The following GPD2 variants were observed in gnomAD, a reference collection of about 807,000 sequenced individuals.
The protein encoded by GPD2 is glycerol-3-phosphate dehydrogenase 2, also known as glycerol-3-phosphate dehydrogenase, mitochondrial.
A neutral mutation model predicts 82.4 loss-of-function variants in GPD2; 54 were observed. That is an observed-to-expected ratio of 0.66 (90% CI 0.53 to 0.82). The LOEUF (loss-of-function observed/expected upper bound fraction) is 0.82. GPD2 is among the 40% of genes least tolerant of loss of function. GPD2 has a pLI of 0.00. For synonymous variants in GPD2, 288 were observed against 306.1 expected, an observed-to-expected ratio of 0.94 and a Z score of 0.62; for missense variants, 748 against 896.2, an observed-to-expected ratio of 0.83 and a Z score of 2.11.
intron 6 of GPD2, among the ~76,000 whole-genome samples, chr2:156,525,456 A>T (rs191119212): frequency 6.6e-5 from 10 of 152,204 alleles, no homozygotes; most frequent in Admixed American, 6.5e-4. Context: ...ACCATAATCT[A>T]TTTGCTATGA....
At chr2:156,505,979 A>G (rs76984706) in intron 3 of GPD2, among the ~76,000 whole-genome samples, 1 of 152,212 alleles carries the variant, frequency 6.6e-6, no homozygotes, top group Non-Finnish European at 1.5e-5. Context: ...AAGAACCTCA[A>G]AAGGCTTTTA....
chr2:156,570,366 C>T, intron 12 of GPD2, 148 bp downstream of exon 12: 1 of 661,152 alleles, frequency 1.5e-6, no homozygotes, highest in Non-Finnish European at 2.7e-6. Flanking sequence ...CAATATAGAT[C>T]CTTTTATTTA....
At chr2:156,528,652 T>C (rs1004139014) in intron 6 of GPD2, among the ~76,000 whole-genome samples, 1 of 138,852 alleles carries the variant, frequency 7.2e-6, no homozygotes, top group African/African-American at 2.7e-5. Flanking sequence ...TGTGTTCTCA[T>C]TGTTCAATTC....
chr2:156,507,278 G>C (rs1425205359), intron 3 of GPD2, among the ~76,000 whole-genome samples: 1 of 151,470 alleles, frequency 6.6e-6, no homozygotes, highest in Non-Finnish European at 1.5e-5. Context: ...AAAGTGCTGG[G>C]ATTACAGTCA....
chr2:156,494,844 A>T (rs1684310952), intron 2 of GPD2, among the ~76,000 whole-genome samples: 1 of 152,246 alleles, frequency 6.6e-6, no homozygotes, highest in African/African-American at 2.4e-5. Flanking sequence ...CAAACCTAGT[A>T]TTAGCATTTT....
chr2:156,537,051 G>A (rs1422478989), intron 6 of GPD2, among the ~76,000 whole-genome samples: 2 of 152,218 alleles, frequency 1.3e-5, no homozygotes, highest in African/African-American at 4.8e-5. Flanking sequence ...AGCACAGAGT[G>A]AGAACCAGAT....
chr2:156,570,131 G>A lies in GPD2; in HGVS notation c.1521G>A (p.Glu507=). ...LAATYGDKAF[E]VAKMASVTGK... ...CCACCTATGGTGATAAGGCCTTTGA[G>A]GTGGCCAAAATGGCAAGTGTGACTG... The change falls in exon 12 of 17, where the codon GAG becomes GAA. Residue 507 remains glutamate, a synonymous_variant. Coordinates refer to ENST00000438166, the MANE Select transcript of GPD2 (RefSeq NM_000408.5). The A allele has an allele frequency of 6.2e-7, 1 of 1,612,188 alleles. No individual in the cohort carries two copies. Among genetic ancestry groups the A allele is most frequent in the Admixed American group, 1.7e-5 (1 of 59,956 alleles).
chr2:156,453,887 AAC>A (rs1425981952), intron 1 of GPD2, among the ~76,000 whole-genome samples: 1 of 152,162 alleles, frequency 6.6e-6, no homozygotes, highest in Non-Finnish European at 1.5e-5. Context: ...AAAAACAAAA[AAC>A]AAAACAAAAA....
intron 1 of GPD2, among the ~76,000 whole-genome samples, chr2:156,445,057 A>G (rs1558901385): frequency 6.6e-6 from 1 of 152,234 alleles, no homozygotes. Flanking sequence ...CCAGATTCAC[A>G]GAATTTTAAA....
At chr2:156,409,462 G>A in the GPD2 span, among the ~76,000 whole-genome samples, 1 of 152,132 alleles carries the variant, frequency 6.6e-6, no homozygotes, top group Non-Finnish European at 1.5e-5. Context: ...TTGGGAAGCT[G>A]AGGTGGGAGG....
chr2:156,480,414 T>C (rs1268829397), intron 2 of GPD2, among the ~76,000 whole-genome samples: 1 of 147,108 alleles, frequency 6.8e-6, no homozygotes, highest in Non-Finnish European at 1.5e-5. Context: ...CTTTTCATTA[T>C]AGCCCAACGG....
chr2:156,430,665 C>T (rs949625407), upstream of GPD2, among the ~76,000 whole-genome samples: 5 of 152,210 alleles, frequency 3.3e-5, no homozygotes, highest in African/African-American at 9.6e-5. Flanking sequence ...GTGGGGTTAA[C>T]ATTTACAGCC....
chr2:156,443,927 G>A (rs1682266185), intron 1 of GPD2, among the ~76,000 whole-genome samples: 1 of 152,204 alleles, frequency 6.6e-6, no homozygotes, highest in Non-Finnish European at 1.5e-5. Flanking sequence ...ATTCTATGGG[G>A]ACAGCGCATT....
chr2:156,529,280 G>A (rs1162431375), intron 6 of GPD2, among the ~76,000 whole-genome samples: 1 of 150,184 alleles, frequency 6.7e-6, no homozygotes, highest in African/African-American at 2.5e-5. Flanking sequence ...CTTTTTGATG[G>A]GGTTGTTTGT....
the GPD2 span, among the ~76,000 whole-genome samples, chr2:156,415,544 A>G: frequency 4.6e-5 from 7 of 151,646 alleles, no homozygotes; most frequent in African/African-American, 1.7e-4. Context: ...TCCATTCCTG[A>G]GTTACTTCAC....
At chr2:156,406,058 T>C in the GPD2 span, among the ~76,000 whole-genome samples, 1 of 151,938 alleles carries the variant, frequency 6.6e-6, no homozygotes, top group Admixed American at 6.6e-5. Flanking sequence ...TTTTTTTTTT[T>C]CACCTGTGAG....
chr2:156,468,927 CTAACTA>C (rs1399667965), intron 1 of GPD2, among the ~76,000 whole-genome samples: 2 of 152,296 alleles, frequency 1.3e-5, no homozygotes, highest in African/African-American at 4.8e-5. Context: ...CTTATTCATT[CTAACTA>C]TGTTTTTATA....
At chr2:156,479,013 C>G (rs1284090256) in intron 2 of GPD2, among the ~76,000 whole-genome samples, 1 of 152,180 alleles carries the variant, frequency 6.6e-6, no homozygotes, top group East Asian at 1.9e-4. Flanking sequence ...TTGGTACTCC[C>G]AGGACAAAGC....
At chr2:156,548,130 A>G (rs921884815) in intron 6 of GPD2, among the ~76,000 whole-genome samples, 1 of 152,224 alleles carries the variant, frequency 6.6e-6, no homozygotes, top group Non-Finnish European at 1.5e-5. Flanking sequence ...AAGATCTATA[A>G]TGGAAATTTT....
Sources: gnomAD v4.1 joint callset for allele counts (sites outside exome capture counted in the v4.1 genomes callset) on GRCh38, gnomAD v4.1.1 for gene constraint, MANE v1.5 for transcripts, NCBI Gene and HGNC (gene_info 2026-07-23, HGNC 2026-07-21) for gene names.